SNAPC3: variants seen among roughly 807,000 people sequenced by gnomAD.
The protein encoded by SNAPC3 is small nuclear RNA activating complex polypeptide 3.
In SNAPC3, 56 loss-of-function variants were observed where a neutral mutation model predicts 47.7. The observed-to-expected ratio is 1.18, with a 90% confidence interval of 0.95 to 1.47. The LOEUF (loss-of-function observed/expected upper bound fraction) is 1.47. SNAPC3 is among the 40% of genes most tolerant of loss of function. The pLI is 0.00. For synonymous variants in SNAPC3, 235 were observed against 189.9 expected (o/e 1.24, Z -1.95); for missense variants, 665 against 511.3 (o/e 1.30, Z -2.90).
At chr9:15,455,132 AAAC>A (rs1411655817) in intron 7 of SNAPC3, among the ~76,000 whole-genome samples, 1 of 152,226 alleles carries the variant, frequency 6.6e-6, no homozygotes, top group East Asian at 1.9e-4. Flanking sequence ...GCTAAATTCT[AAAC>A]AAACAATTAA....
At chr9:15,463,445 C>G (rs1192865532), downstream of SNAPC3, 1 of 137,790 alleles carries the variant, frequency 7.3e-6, no homozygotes, top group East Asian at 2.1e-4. Flanking sequence ...CACACACATA[C>G]CAGCCCAAAA....
At chr9:15,441,776 A>G (rs1185671179) in intron 3 of SNAPC3, among the ~76,000 whole-genome samples, 2 of 151,958 alleles carry the variant, frequency 1.3e-5, no homozygotes, top group African/African-American at 4.8e-5. Context: ...ACAAAATGGA[A>G]TCTCCTATGT....
chr9:15,444,517 G>A, intron 3 of SNAPC3, 85 bp from the exon 4 acceptor site: 6 of 803,234 alleles, frequency 7.5e-6, no homozygotes, highest in East Asian at 2.6e-5. Flanking sequence ...TGCTTGACTC[G>A]ATCCCTTGCT....
chr9:15,424,762 G>T (rs1354958475), intron 2 of SNAPC3, among the ~76,000 whole-genome samples: 1 of 152,150 alleles, frequency 6.6e-6, no homozygotes, highest in Non-Finnish European at 1.5e-5. Flanking sequence ...CCAATTTATA[G>T]TCCACTTATT....
chr9:15,449,103 G>A (rs1434634920), intron 5 of SNAPC3, among the ~76,000 whole-genome samples: 1 of 152,134 alleles, frequency 6.6e-6, no homozygotes, highest in African/African-American at 2.4e-5. Context: ...GAGCCACCGT[G>A]CCTGGCCAAG....
At chr9:15,465,706 AACTTG>A (rs771991466), downstream of SNAPC3, 6 of 715,782 alleles carry the variant, frequency 8.4e-6, no homozygotes, top group South Asian at 4.4e-5. Flanking sequence ...ACAAAAGAAA[AACTTG>A]ACTTGTTATT....
intron 3 of SNAPC3, among the ~76,000 whole-genome samples, chr9:15,442,113 C>T (rs1298407652): frequency 2.7e-5 from 4 of 149,768 alleles, no homozygotes; most frequent in African/African-American, 7.4e-5. Flanking sequence ...GCGGGGGCTG[C>T]CCCCCACCTC....
intron 7 of SNAPC3, among the ~76,000 whole-genome samples, chr9:15,454,798 G>C (rs1252968498): frequency 6.6e-6 from 1 of 152,196 alleles, no homozygotes; most frequent in Admixed American, 6.5e-5. Flanking sequence ...GCCAGGCGTG[G>C]TGGTGGGCAC....
Position 15,451,341 on chromosome 9 carries a change from T to C in SNAPC3, c.754T>C (p.Phe252Leu). Residue 252 changes from phenylalanine (F) to leucine (L), a missense_variant, in exon 6 of 9, where the codon TTT becomes CTT. By Grantham distance (22) the Phe-to-Leu change is conservative. Coordinates refer to ENST00000380821, the MANE Select transcript of SNAPC3 (RefSeq NM_001039697.2). The part of the protein sequence containing the change: ...ISKDLYKSAF[F>L]YFEGTFYNDK... ...GTAGGACCTATACAAATCAGCCTTCTTTTATTTTGAAGGAACATTTTATAA... is the reference window on the plus strand; with the variant it reads ...GTAGGACCTATACAAATCAGCCTTCCTTTATTTTGAAGGAACATTTTATAA... 1 of 1,516,042 alleles carries C rather than the reference T, an allele frequency of 6.6e-7. No homozygotes were observed. The highest frequency in any genetic ancestry group is 9.1e-7 in the Non-Finnish European group (1 of 1,101,948). 93.9% of individuals were successfully genotyped at this position (1,516,042 alleles called of 1,614,324 possible). A position where few individuals can be genotyped will look rare whatever the true frequency, so the allele number is the denominator to read the frequency against.
At chr9:15,443,771 A>T (rs1409561210) in intron 3 of SNAPC3, among the ~76,000 whole-genome samples, 1 of 152,226 alleles carries the variant, frequency 6.6e-6, no homozygotes, top group African/African-American at 2.4e-5. Context: ...GGCACCAGCC[A>T]GCTTCTCCAG....
downstream of SNAPC3, chr9:15,464,029 C>A (rs889765204): frequency 1.2e-5 from 2 of 173,798 alleles, no homozygotes; most frequent in African/African-American, 4.8e-5. Context: ...CCATCACTTA[C>A]TCTTGTAAAT....
At chr9:15,427,810 A>C (rs10117823) in intron 2 of SNAPC3, among the ~76,000 whole-genome samples, 1 of 152,126 alleles carries the variant, frequency 6.6e-6, no homozygotes, top group African/African-American at 2.4e-5. Context: ...CAAAAGAACC[A>C]TGAAATTGGA....
chr9:15,433,699 G>T, intron 3 of SNAPC3, 63 bp downstream of exon 3: 1 of 1,030,774 alleles, frequency 9.7e-7, no homozygotes, highest in Non-Finnish European at 1.5e-6. Flanking sequence ...CATTGGCTGA[G>T]GGTTAGTAAT....
chr9:15,437,625 T>G (rs182922019), intron 3 of SNAPC3, among the ~76,000 whole-genome samples: 20 of 149,160 alleles, frequency 1.3e-4, no homozygotes, highest in Middle Eastern at 6.9e-3. Flanking sequence ...ATCTGTTGTT[T>G]TTTTTTTTTT....
downstream of SNAPC3, chr9:15,465,711 G>A (rs1445574453): frequency 1.5e-6 from 1 of 680,300 alleles, no homozygotes; most frequent in Non-Finnish European, 2.4e-6. Flanking sequence ...AGAAAAACTT[G>A]ACTTGTTATT....
At chr9:15,453,775 A>G (rs2034568459) in intron 7 of SNAPC3, among the ~76,000 whole-genome samples, 1 of 152,200 alleles carries the variant, frequency 6.6e-6, no homozygotes, top group Non-Finnish European at 1.5e-5. Flanking sequence ...AGGAAATCAC[A>G]GTTTAAGAAG....
intron 2 of SNAPC3, among the ~76,000 whole-genome samples, chr9:15,426,103 CT>C (rs1399382582): frequency 6.6e-6 from 1 of 152,194 alleles, no homozygotes; most frequent in African/African-American, 2.4e-5. Context: ...ATCCACCCAC[CT>C]CGGCCTCCCA....
chr9:15,441,006 G>A (rs2033298051), intron 3 of SNAPC3, among the ~76,000 whole-genome samples: 1 of 150,566 alleles, frequency 6.6e-6, no homozygotes, highest in Non-Finnish European at 1.5e-5. Context: ...CCCATTCTCT[G>A]GTTTCTTAAC....
At chr9:15,463,814 CTAGAATTGGA>C (rs1422394449), downstream of SNAPC3, 2 of 152,198 alleles carry the variant, frequency 1.3e-5, no homozygotes, top group African/African-American at 4.8e-5. Flanking sequence ...TGCTCTATCT[CTAGAATTGGA>C]ATATTCTGTG....
Sources: gnomAD v4.1 joint callset for allele counts (sites outside exome capture counted in the v4.1 genomes callset) on GRCh38, gnomAD v4.1.1 for gene constraint, MANE v1.5 for transcripts, NCBI Gene and HGNC (gene_info 2026-07-23, HGNC 2026-07-21) for gene names.